Variants in TENM3 observed in about 807,000 individuals in gnomAD.
TENM3 encodes teneurin-3.
A neutral mutation model predicts 255.1 loss-of-function variants in TENM3; 63 were observed. The ratio of observed to expected loss-of-function variants is 0.25; its 90% CI spans 0.20 to 0.30. TENM3 has a LOEUF of 0.30. Among genes scored for constraint, TENM3 ranks in the 10% least tolerant of loss-of-function variants. The pLI is 1.00. For synonymous variants in TENM3, 1,306 were observed against 1,322.3 expected, an observed-to-expected ratio of 0.99 and a Z score of 0.27; for missense variants, 2,929 against 3,461.1, an observed-to-expected ratio of 0.85 and a Z score of 3.86.
At chr4:181,883,171 T>C in the TENM3 span, among the ~76,000 whole-genome samples, 1 of 148,530 alleles carries the variant, frequency 6.7e-6, no homozygotes, top group South Asian at 2.1e-4. Flanking sequence ...TCATCTAACA[T>C]TTGAAATGAC....
At chr4:181,560,362 G>C in the TENM3 span, among the ~76,000 whole-genome samples, 1 of 152,214 alleles carries the variant, frequency 6.6e-6, no homozygotes, top group Admixed American at 6.5e-5. Context: ...ATATGAGTTA[G>C]GGGGTGTGGG....
At chr4:182,695,771 C>T (rs1757354995) in intron 12 of TENM3, among the ~76,000 whole-genome samples, 1 of 152,168 alleles carries the variant, frequency 6.6e-6, no homozygotes, top group African/African-American at 2.4e-5. Flanking sequence ...TCATCAAATA[C>T]CTAAAATGCC....
At chr4:181,741,456 A>G in the TENM3 span, among the ~76,000 whole-genome samples, 6 of 152,092 alleles carry the variant, frequency 3.9e-5, no homozygotes, top group East Asian at 9.7e-4. Flanking sequence ...TCATATCTGT[A>G]GAAATATTTA....
At chr4:182,168,442 G>A (rs1336435097) in intron 1 of TENM3, among the ~76,000 whole-genome samples, 1 of 152,080 alleles carries the variant, frequency 6.6e-6, no homozygotes, top group Non-Finnish European at 1.5e-5. Flanking sequence ...GCCCACATAT[G>A]TATTTTCTTC....
chr4:182,475,604 T>C (rs1733612920), intron 3 of TENM3, among the ~76,000 whole-genome samples: 1 of 152,220 alleles, frequency 6.6e-6, no homozygotes, highest in Non-Finnish European at 1.5e-5. Context: ...GATACTTTGG[T>C]AGCTTGCATT....
chr4:182,688,371 GTGTC>G lies in TENM3; in HGVS notation c.2221+25_2221+28del, dbSNP rs1561111651. The stretch of plus-strand genomic sequence containing the variant: ...CTATCGGTAGGCTTACTGCAAGTCT[GTGTC>G]TGTCCCCTTCCTCCCAGAGAAGAGC... On this transcript the variant is annotated intron_variant, in intron 12 of 27. Coordinates refer to ENST00000511685, the MANE Select transcript of TENM3 (RefSeq NM_001080477.4). 2.6e-6 allele frequency: 4 copies of G among 1,529,688 alleles called. No homozygotes were observed. The highest frequency in any genetic ancestry group is 2.4e-5 in the East Asian group (1 of 40,834). The allele number at this position is 1,529,688 out of a possible 1,614,324, so 94.8% of individuals were successfully genotyped here.
the TENM3 span, among the ~76,000 whole-genome samples, chr4:181,814,063 A>G: frequency 6.6e-6 from 1 of 152,220 alleles, no homozygotes; most frequent in East Asian, 1.9e-4. Flanking sequence ...TGATTACACT[A>G]TCTACGCATA....
At chr4:181,538,698 A>G in the TENM3 span, among the ~76,000 whole-genome samples, 1 of 152,208 alleles carries the variant, frequency 6.6e-6, no homozygotes, top group Non-Finnish European at 1.5e-5. Flanking sequence ...ATCTAAGCAC[A>G]AGGTAATAAA....
At chr4:182,184,000 A>C (rs945771864) in intron 1 of TENM3, among the ~76,000 whole-genome samples, 4 of 152,210 alleles carry the variant, frequency 2.6e-5, no homozygotes, top group African/African-American at 7.2e-5. Flanking sequence ...TGATATAGAA[A>C]GTGGTAGGTC....
intron 5 of TENM3, among the ~76,000 whole-genome samples, chr4:182,636,673 C>T (rs922642861): frequency 2.7e-5 from 4 of 150,772 alleles, no homozygotes; most frequent in Non-Finnish European, 4.4e-5. Flanking sequence ...GCAGAGATCG[C>T]GCCACCGTAC....
intron 1 of TENM3, among the ~76,000 whole-genome samples, chr4:182,170,714 A>G (rs1752049751): frequency 6.6e-6 from 1 of 152,210 alleles, no homozygotes; most frequent in Non-Finnish European, 1.5e-5. Context: ...AGTAAAAAGA[A>G]AAAAAACCAC....
chr4:181,639,689 G>A, the TENM3 span, among the ~76,000 whole-genome samples: 16 of 152,270 alleles, frequency 1.1e-4, no homozygotes, highest in Admixed American at 7.2e-4. Flanking sequence ...GCAGTGGGCC[G>A]AGATCACGCC....
Position 182,341,198 on chromosome 4 carries a change from A to G in TENM3, c.233-5453A>G, listed in dbSNP as rs74893951. On this transcript the variant is annotated intron_variant, in intron 2 of 27. Transcript: ENST00000511685. The stretch of plus-strand genomic sequence containing the variant: ...ATTAAACAGCAAATCAAGAAAATAT[A>G]TTTGTTTTTTAGAAAGAAGATAGGC... 3.7e-3 allele frequency among the ~76,000 whole-genome samples: 566 copies of G among 152,256 alleles called. 9 individuals are homozygous for G. The highest frequency in any genetic ancestry group is 0.024 in the Admixed American group (366 of 15,302).
the TENM3 span, among the ~76,000 whole-genome samples, chr4:182,048,703 CTGTT>C: frequency 6.6e-6 from 1 of 152,138 alleles, no homozygotes; most frequent in Non-Finnish European, 1.5e-5. Flanking sequence ...CTCTCAGACA[CTGTT>C]TATTGAAAGA....
chr4:181,565,267 C>T, the TENM3 span, among the ~76,000 whole-genome samples: 3 of 152,220 alleles, frequency 2.0e-5, no homozygotes, highest in African/African-American at 7.2e-5. Flanking sequence ...AGGACTAATA[C>T]TCTTCTCTCC....
intron 4 of TENM3, among the ~76,000 whole-genome samples, chr4:182,621,645 C>T (rs1406511873): frequency 9.6e-4 from 23 of 23,858 alleles, no homozygotes; most frequent in Non-Finnish European, 4.4e-4. Context: ...ATATATAATA[C>T]ATATTATAAT....
At chr4:182,184,645 G>C (rs1753033536) in intron 1 of TENM3, among the ~76,000 whole-genome samples, 1 of 152,124 alleles carries the variant, frequency 6.6e-6, no homozygotes, top group Non-Finnish European at 1.5e-5. Flanking sequence ...TGTCATATAG[G>C]ACCCAGTATT....
At chr4:182,611,430 T>C (rs1396258200) in intron 4 of TENM3, among the ~76,000 whole-genome samples, 1 of 151,738 alleles carries the variant, frequency 6.6e-6, no homozygotes, top group Non-Finnish European at 1.5e-5. Flanking sequence ...GTGAACTTTA[T>C]GTATTAAATA....
At chr4:182,719,344 C>T (rs1022938194) in intron 13 of TENM3, among the ~76,000 whole-genome samples, 1 of 142,590 alleles carries the variant, frequency 7.0e-6, no homozygotes, top group African/African-American at 2.6e-5. Context: ...TCACTGCAAC[C>T]TCCGCCTGCC....
Sources: allele counts gnomAD v4.1 joint callset (sites outside exome capture counted in the v4.1 genomes callset), GRCh38; gene constraint gnomAD v4.1.1; transcripts MANE v1.5; gene names NCBI Gene and HGNC (gene_info 2026-07-23, HGNC 2026-07-21).